USP19: variants seen among roughly 807,000 people sequenced by gnomAD.
USP19 encodes the protein ubiquitin carboxyl-terminal hydrolase 19.
USP19 carries 40 observed loss-of-function variants against 144.8 expected under a neutral mutation model. The ratio of observed to expected loss-of-function variants is 0.28; its 90% confidence interval spans 0.21 to 0.36. USP19 has a LOEUF of 0.36. Ranked by LOEUF, USP19 falls within the 10% of genes least tolerant of loss-of-function variation. USP19 has a pLI of 1.00. For synonymous variants in USP19, 701 were observed against 709.3 expected, an observed-to-expected ratio of 0.99 and a Z score of 0.19; for missense variants, 1,518 against 1,822.5, an observed-to-expected ratio of 0.83 and a Z score of 3.04.
chr3:49,113,012 C>T (rs551408046), intron 17 of USP19, among the ~76,000 whole-genome samples: 1 of 152,142 alleles, frequency 6.6e-6, no homozygotes, highest in Non-Finnish European at 1.5e-5. Context: ...GGCTAGGAAC[C>T]CCTGGGGAGA....
rs2043032970 is a variant in USP19 at position 49,110,775 on chromosome 3, G to A, written c.3634C>T (p.Arg1212Cys). ...CAGATAAAACTACGAAAGGAGAAGC[G>A]CTTGAGCTGCACGATGAGAACATTT... ...LPNVLIVQLK[R>C]FSFRSFIWRD... Residue 1212 changes from arginine (R) to cysteine (C), a missense_variant, in exon 24 of 27, where the codon CGC (arginine) becomes TGC (cysteine). By Grantham distance (180) the Arg-to-Cys change is radical. Coordinates refer to ENST00000417901, the MANE Select transcript of USP19 (RefSeq NM_001199161.2). The surrounding 1 kb of genome is among the most constrained non-coding windows in gnomAD (Gnocchi z 6.1). 1 of 1,614,188 alleles carries A rather than the reference G, an allele frequency of 6.2e-7. No individual in the cohort carries two copies. The highest frequency in any genetic ancestry group is 8.5e-7 in the Non-Finnish European group (1 of 1,180,054).
At chr3:49,118,982 G>A (rs1190339000) in intron 2 of USP19, 40 bp downstream of exon 2, 1 of 1,613,038 alleles carries the variant, frequency 6.2e-7, no homozygotes, top group Non-Finnish European at 8.5e-7. Flanking sequence ...AAGATGGGAG[G>A]CAGAGAAGGC....
rs1483549988 is a variant in USP19, at chr3:49,111,300, A to G, written c.3283T>C (p.Tyr1095His). 1 of 1,614,082 alleles carries G rather than the reference A, an allele frequency of 6.2e-7. No homozygotes were observed. Among genetic ancestry groups the G allele is most frequent in the Non-Finnish European group, 8.5e-7 (1 of 1,180,044 alleles). ...TCTCGGTTGGATGAATCAATTTTATAGATGAAGAACTGGGGTGTGTGGGCA... is the reference window on the plus strand; with the variant it reads ...TCTCGGTTGGATGAATCAATTTTATGGATGAAGAACTGGGGTGTGTGGGCA... The part of the protein sequence containing the change: ...MNAHTPQFFI[Y>H]KIDSSNREQR... The change falls in exon 22 of 27, where the codon TAT (tyrosine) becomes CAT (histidine). Residue 1095 changes from tyrosine (Y) to histidine (H), a missense_variant. Tyr to His is a moderately conservative substitution (Grantham distance 83). Around this residue, in one of 5 missense-constraint regions of USP19, gnomAD observed 413 missense variants for 515.8 expected, o/e 0.80. Coordinates refer to ENST00000417901, the MANE Select transcript of USP19 (RefSeq NM_001199161.2). The surrounding 1 kb of genome is among the most constrained non-coding windows in gnomAD (Gnocchi z 5.9).
chr3:49,108,839 C>T lies in USP19; in HGVS notation c.4039-311G>A. 1 of 1,453,550 alleles carries T rather than the reference C, an allele frequency of 6.9e-7. No individual in the cohort carries two copies. Among genetic ancestry groups the T allele is most frequent in the South Asian group, 1.5e-5 (1 of 67,738 alleles). 90.0% of individuals were successfully genotyped at this position (1,453,550 alleles called of 1,614,324 possible). On this transcript the variant is annotated intron_variant, in intron 26 of 26. Coordinates refer to ENST00000417901, the MANE Select transcript of USP19 (RefSeq NM_001199161.2). This position sits in a 1 kb window ranked among gnomAD's most constrained non-coding sequence, Gnocchi z 4.8. ...CCTGCAGGGGCCACAACCTCCCCAC[C>T]CTCTCCCACCAGATGCATAAGCTGA...
At position 49,108,529 on chromosome 3, in the gene USP19, C is replaced by A; in HGVS notation, c.4039-1G>T. On this transcript the variant is annotated splice_acceptor_variant, in intron 26 of 26. Transcript: ENST00000417901. LOFTEE classifies it high-confidence loss of function. This position sits in a 1 kb window ranked among gnomAD's most constrained non-coding sequence, Gnocchi z 4.8. ...CGGGGGCCTGGCCAGGGCCTAGTCCCTGCAACAGAATACGAGGACAGGGGT... is the reference window on the plus strand; with the variant it reads ...CGGGGGCCTGGCCAGGGCCTAGTCCATGCAACAGAATACGAGGACAGGGGT... The A allele has an allele frequency of 8.0e-7, 1 of 1,254,518 alleles. No homozygotes were observed. Among genetic ancestry groups the A allele is most frequent in the South Asian group, 2.6e-5 (1 of 38,856 alleles). 77.7% of individuals were successfully genotyped at this position (1,254,518 alleles called of 1,614,324 possible). A position where few individuals can be genotyped will look rare whatever the true frequency, so the allele number is the denominator to read the frequency against.
In USP19 at chr3:49,112,537, T is replaced by C. The variant is rs1403732059; in HGVS notation, c.2598A>G (p.Leu866=). 2.5e-6 allele frequency: 4 copies of C among 1,614,042 alleles called. No homozygotes were observed. The highest frequency in any genetic ancestry group is 2.5e-6 in the Non-Finnish European group (3 of 1,179,958). The stretch of plus-strand genomic sequence containing the variant: ...CCCGCTCCTTAGCCAACTCTGAGGA[T>C]AGCAGCTCAAAGCAGAGGAGCGTAT... ...PSDTLLCFEL[L]SSELAKERVV... is the part of the protein sequence containing the mutation. Residue 866 remains leucine, a synonymous_variant, in exon 18 of 27, where the codon CTA becomes CTG. Coordinates refer to ENST00000417901, the MANE Select transcript of USP19 (RefSeq NM_001199161.2). The surrounding 1 kb of genome is among the most constrained non-coding windows in gnomAD (Gnocchi z 4.9).
chr3:49,116,388 G>A lies in USP19; in HGVS notation c.1284-37C>T, dbSNP rs1014044048. On this transcript the variant is annotated intron_variant, in intron 8 of 26. Coordinates refer to ENST00000417901, the MANE Select transcript of USP19 (RefSeq NM_001199161.2). The surrounding 1 kb of genome is among the most constrained non-coding windows in gnomAD (Gnocchi z 5.0). The stretch of plus-strand genomic sequence containing the variant: ...CAGCAGGATAGGAGGAAGGACAAGA[G>A]GAAGAGCATGAGACATACTGTCCCA... 18 of 1,613,962 alleles carry A rather than the reference G, an allele frequency of 1.1e-5. No homozygotes were observed. Among genetic ancestry groups the A allele is most frequent in the Admixed American group, 3.3e-5 (2 of 60,004 alleles).
At position 49,114,469 on chromosome 3, in the gene USP19, T is replaced by C. The variant is rs1420145900; in HGVS notation, c.2293-185A>G. Among the ~76,000 whole-genome samples the C allele has an allele frequency of 1.3e-5, 2 of 152,208 alleles. No homozygotes were observed. The highest frequency in any genetic ancestry group is 4.8e-5 in the African/African-American group (2 of 41,446). Reference sequence around the variant, plus strand: ...ACCAGGAAATAACAATCCTTCTTTCTGGCACTCAAAGCCCTACTCAGCTTA... The same window carrying C: ...ACCAGGAAATAACAATCCTTCTTTCCGGCACTCAAAGCCCTACTCAGCTTA... On this transcript the variant is annotated intron_variant, in intron 15 of 26. Coordinates refer to ENST00000417901, the MANE Select transcript of USP19 (RefSeq NM_001199161.2). This position sits in a 1 kb window ranked among gnomAD's most constrained non-coding sequence, Gnocchi z 4.5.
rs770311994 is a variant in USP19, at chr3:49,117,205, C to A, written c.763G>T (p.Gly255Cys). The A allele has an allele frequency of 6.9e-5, 107 of 1,548,156 alleles. No individual in the cohort carries two copies. Among genetic ancestry groups the A allele is most frequent in the Non-Finnish European group, 9.1e-5 (104 of 1,147,194 alleles). Residue 255 changes from glycine (G) to cysteine (C), a missense_variant, in exon 6 of 27, where the codon GGC becomes TGC. Gly to Cys is a radical substitution (Grantham distance 159). Coordinates refer to ENST00000417901, the MANE Select transcript of USP19 (RefSeq NM_001199161.2). This position sits in a 1 kb window ranked among gnomAD's most constrained non-coding sequence, Gnocchi z 4.4. ...TGGGCCCCGGGGCCAGCCCCTGCGC[C>A]TACCTCACCACGGCCCTGGGCCCGC... The part of the protein sequence containing the change: ...QKRAQGRGEV[G>C]AGAGPGAQAG...
chr3:49,108,417 C>A lies in USP19; in HGVS notation c.4150G>T (p.Asp1384Tyr). The A allele has an allele frequency of 7.2e-7, 1 of 1,393,638 alleles. No individual in the cohort carries two copies. The allele number at this position is 1,393,638 out of a possible 1,614,324, so 86.3% of individuals were successfully genotyped here. The part of the protein sequence containing the change: ...APTYSNMEEV[D>Y] ...CCCCATCAGCCAGGGACCTGCTAATCCACCTCCTCCATGTTGCTGTAGGTG... is the reference window on the plus strand; with the variant it reads ...CCCCATCAGCCAGGGACCTGCTAATACACCTCCTCCATGTTGCTGTAGGTG... The change falls in exon 27 of 27, where the codon GAT becomes TAT. Residue 1384 changes from aspartate (D) to tyrosine (Y), a missense_variant. By Grantham distance (160) the Asp-to-Tyr change is radical. Transcript: ENST00000417901. The surrounding 1 kb of genome is among the most constrained non-coding windows in gnomAD (Gnocchi z 4.8).
chr3:49,118,266 TAAA>T (rs541189590), intron 2 of USP19, 146 bp from the exon 3 acceptor site: 2,836 of 215,936 alleles, frequency 0.013, no homozygotes, highest in South Asian at 0.021. Flanking sequence ...ACCCTGCCTT[TAAA>T]AAAAAAAAAA....
chr3:49,112,345 G>A lies in USP19; in HGVS notation c.2704C>T (p.Gln902Ter). ...SKCAACQRKQ[Q>*]SEDEKLKRCT... The stretch of plus-strand genomic sequence containing the variant: ...CGCTTCAGCTTTTCATCCTCCGACT[G>A]TTGCTTCCGCTGGCAGGCTGCACAC... Residue 902 changes from glutamine to a stop codon, truncating the protein, a stop_gained, in exon 19 of 27, where the codon CAG (glutamine) becomes TAG (stop). Coordinates refer to ENST00000417901, the MANE Select transcript of USP19 (RefSeq NM_001199161.2). LOFTEE classifies it high-confidence loss of function. The surrounding 1 kb of genome is among the most constrained non-coding windows in gnomAD (Gnocchi z 4.9). 6.2e-7 allele frequency: 1 copy of A among 1,614,062 alleles called. No individual in the cohort carries two copies. The highest frequency in any genetic ancestry group is 8.5e-7 in the Non-Finnish European group (1 of 1,179,966).
rs1474480558 is a variant in USP19 at position 49,111,497 on chromosome 3, T to C, written c.3217+3A>G. On this transcript the variant is annotated splice_donor_region_variant and intron_variant, in intron 21 of 26. Transcript: ENST00000417901. This position sits in a 1 kb window ranked among gnomAD's most constrained non-coding sequence, Gnocchi z 5.9. ...GCTTCTAGAGCCTTTCACTGGATCT[T>C]ACCTTCGGGTCGGGACACCCTCTCG... is the stretch of plus-strand genomic sequence containing the variant. 14 of 1,611,476 alleles carry C rather than the reference T, an allele frequency of 8.7e-6. No homozygotes were observed. Among genetic ancestry groups the C allele is most frequent in the Non-Finnish European group, 1.1e-5 (13 of 1,179,776 alleles).
At chr3:49,120,712 C>A (rs893696234) in intron 1 of USP19, 44 bp downstream of exon 1, 2 of 188,890 alleles carry the variant, frequency 1.1e-5, no homozygotes, top group African/African-American at 4.8e-5. Context: ...GTTGCGGCCT[C>A]CCCGCTGCGG....
chr3:49,112,444 C>G lies in USP19; in HGVS notation c.2647-42G>C, dbSNP rs889976783. On this transcript the variant is annotated intron_variant, in intron 18 of 26. Transcript: ENST00000417901. This position sits in a 1 kb window ranked among gnomAD's most constrained non-coding sequence, Gnocchi z 4.9. The stretch of plus-strand genomic sequence containing the variant: ...GGCTCAGCAAGACCAGGAAGAAGTG[C>G]CCCACCCACCAGGGCGCTGTGCCAT... 2.5e-6 allele frequency: 4 copies of G among 1,613,852 alleles called. No individual in the cohort carries two copies. The highest frequency in any genetic ancestry group is 2.5e-6 in the Non-Finnish European group (3 of 1,179,848).
At position 49,120,761 on chromosome 3, in the gene USP19, G is replaced by C. The variant is rs767127181; in HGVS notation, c.-142C>G. 2 of 223,724 alleles carry C rather than the reference G, an allele frequency of 8.9e-6. No individual in the cohort carries two copies. The highest frequency in any genetic ancestry group is 2.4e-5 in the African/African-American group (1 of 41,920). 13.9% of individuals were successfully genotyped at this position (223,724 alleles called of 1,614,324 possible). ...TTGCAGCCTGCTCCACTCACCGAGC[G>C]AGACCGCCGCAGCCAGCCCTCTTCG... is the stretch of plus-strand genomic sequence containing the variant. On this transcript the variant is annotated 5_prime_UTR_variant, in exon 1 of 27. Transcript: ENST00000417901.
At position 49,119,239 on chromosome 3, in the gene USP19, G is replaced by C; in HGVS notation, c.-94C>G. On this transcript the variant is annotated 5_prime_UTR_variant, in exon 2 of 27. Coordinates refer to ENST00000417901, the MANE Select transcript of USP19 (RefSeq NM_001199161.2). Reference sequence around the variant, plus strand: ...GCTTTCTTCCTGGCCCAGCTATCTTGGCAACTCTTTGTGGCCAAATTCTCC... The same window carrying C: ...GCTTTCTTCCTGGCCCAGCTATCTTCGCAACTCTTTGTGGCCAAATTCTCC... The C allele has an allele frequency of 1.1e-5, 16 of 1,502,882 alleles. No individual in the cohort carries two copies. The highest frequency in any genetic ancestry group is 1.4e-5 in the Non-Finnish European group (16 of 1,129,956). The allele number at this position is 1,502,882 out of a possible 1,614,324, so 93.1% of individuals were successfully genotyped here. A position where few individuals can be genotyped will look rare whatever the true frequency, so the allele number is the denominator to read the frequency against.
rs370275115 is a variant in USP19 at position 49,110,278 on chromosome 3, C to T, written c.3944G>A (p.Arg1315His). The stretch of plus-strand genomic sequence containing the variant: ...CCTCTCCACAGGAGAGTTCCGCCGG[C>T]GGTAGAAGAGTACATAGGCATAACG... Reference protein sequence around the residue: ...VTRYAYVLFYRRRNSPVERPP... With the variant: ...VTRYAYVLFYHRRNSPVERPP... The change falls in exon 26 of 27, where the codon CGC (arginine) becomes CAC (histidine). Residue 1315 changes from arginine (R) to histidine (H), a missense_variant. Around this residue, in one of 5 missense-constraint regions of USP19, gnomAD observed 122 missense variants for 200.4 expected, o/e 0.61. Coordinates refer to ENST00000417901, the MANE Select transcript of USP19 (RefSeq NM_001199161.2). The surrounding 1 kb of genome is among the most constrained non-coding windows in gnomAD (Gnocchi z 6.1). 13 of 1,606,654 alleles carry T rather than the reference C, an allele frequency of 8.1e-6. No homozygotes were observed. The highest frequency in any genetic ancestry group is 3.3e-4 in the Middle Eastern group (2 of 6,058).
In USP19 at chr3:49,112,959, T is replaced by G; in HGVS notation, c.2506-330A>C. On this transcript the variant is annotated intron_variant, in intron 17 of 26. Coordinates refer to ENST00000417901, the MANE Select transcript of USP19 (RefSeq NM_001199161.2). The surrounding 1 kb of genome is among the most constrained non-coding windows in gnomAD (Gnocchi z 4.9). ...GAGGGTCCACATTCAAAGAGCCTCC[T>G]CCCCACTCTTACCCCTAAGAAAACC... Among the ~76,000 whole-genome samples the G allele has an allele frequency of 6.6e-6, 1 of 152,094 alleles. No homozygotes were observed. Among genetic ancestry groups the G allele is most frequent in the South Asian group, 2.1e-4 (1 of 4,822 alleles).
Sources: gnomAD v4.1 joint callset for allele counts (sites outside exome capture counted in the v4.1 genomes callset) on GRCh38, gnomAD v4.1.1 for gene constraint, gnomAD v4.1.1 regional missense constraint, Gnocchi (gnomAD v3.1) non-coding constraint, MANE v1.5 for transcripts, NCBI Gene and HGNC (gene_info 2026-07-23, HGNC 2026-07-21) for gene names.